ARHGAP22: variants seen among roughly 807,000 people sequenced by gnomAD.
The protein encoded by ARHGAP22 is Rho GTPase activating protein 22.
ARHGAP22 carries 48 observed loss-of-function variants against 59.1 expected under a neutral mutation model. The ratio of observed to expected loss-of-function variants is 0.81; its 90% CI spans 0.64 to 1.03. The LOEUF (loss-of-function observed/expected upper bound fraction) is 1.03, where lower values mean the gene tolerates loss of function less well. ARHGAP22 is among the 50% of genes least tolerant of loss of function. The pLI, the probability that ARHGAP22 is intolerant of heterozygous loss-of-function variation, is 0.00. For missense variants in ARHGAP22, 1,015 were observed against 958.7 expected, an observed-to-expected ratio of 1.06 and a Z score of -0.78; for synonymous variants, 445 against 416.4, an observed-to-expected ratio of 1.07 and a Z score of -0.84.
intron 2 of ARHGAP22, among the ~76,000 whole-genome samples, chr10:48,577,311 C>CT (rs2058779673): frequency 6.6e-6 from 1 of 152,292 alleles, no homozygotes; most frequent in African/African-American, 2.4e-5. Context: ...CTGCAACTTG[C>CT]TTTTTGTTTT....
chr10:48,444,075 C>T (rs576525433), downstream of ARHGAP22: 3 of 152,320 alleles, frequency 2.0e-5, no homozygotes, highest in South Asian at 6.2e-4. Flanking sequence ...TTGCATGTTT[C>T]ACTCATCCAT....
At chr10:48,581,484 C>T (rs2059119081) in intron 2 of ARHGAP22, among the ~76,000 whole-genome samples, 2 of 152,222 alleles carry the variant, frequency 1.3e-5, no homozygotes, top group Admixed American at 1.3e-4. Context: ...ATCTGGCTCA[C>T]TTAACTACTT....
intron 4 of ARHGAP22, among the ~76,000 whole-genome samples, chr10:48,463,259 G>A (rs561500945): frequency 6.6e-6 from 1 of 152,290 alleles, no homozygotes; most frequent in African/African-American, 2.4e-5. Flanking sequence ...CTCCTCTCAT[G>A]TGGTCTTGAC....
At chr10:48,515,744 G>C (rs1007016934) in intron 3 of ARHGAP22, among the ~76,000 whole-genome samples, 1 of 152,126 alleles carries the variant, frequency 6.6e-6, no homozygotes, top group Non-Finnish European at 1.5e-5. Context: ...GACTACCAAG[G>C]AATGAAATTA....
chr10:48,533,948 GCTGT>G (rs1390145494), intron 3 of ARHGAP22, among the ~76,000 whole-genome samples: 1 of 152,268 alleles, frequency 6.6e-6, no homozygotes, highest in Non-Finnish European at 1.5e-5. Context: ...AGCTGTGAAA[GCTGT>G]CTGGGCAGTT....
At chr10:48,517,144 T>C (rs1249642309) in intron 3 of ARHGAP22, among the ~76,000 whole-genome samples, 1 of 152,174 alleles carries the variant, frequency 6.6e-6, no homozygotes, top group African/African-American at 2.4e-5. Flanking sequence ...GTGATGACAA[T>C]GTTCTAAAAT....
chr10:48,557,509 C>A (rs2057382896), intron 2 of ARHGAP22, among the ~76,000 whole-genome samples: 1 of 152,216 alleles, frequency 6.6e-6, no homozygotes, highest in Admixed American at 6.5e-5. Context: ...CCTGTCTTCC[C>A]AGACAAGCAG....
At chr10:48,472,009 C>G (rs2048275734) in intron 4 of ARHGAP22, among the ~76,000 whole-genome samples, 1 of 151,142 alleles carries the variant, frequency 6.6e-6, no homozygotes, top group Non-Finnish European at 1.5e-5. Context: ...GAGTTGGAGA[C>G]CAGCCTGGCC....
chr10:48,539,510 C>G (rs2055722326), intron 3 of ARHGAP22, among the ~76,000 whole-genome samples: 1 of 151,674 alleles, frequency 6.6e-6, no homozygotes, highest in African/African-American at 2.4e-5. Context: ...CCGGGATGGT[C>G]TCGATCTCCT....
At chr10:48,637,129 C>T (rs1028088143) in intron 1 of ARHGAP22, among the ~76,000 whole-genome samples, 1 of 152,172 alleles carries the variant, frequency 6.6e-6, no homozygotes, top group Non-Finnish European at 1.5e-5. Flanking sequence ...GCCAACCAGG[C>T]CTCTAGATGA....
At chr10:48,646,494 T>C (rs2062303780) in intron 1 of ARHGAP22, among the ~76,000 whole-genome samples, 1 of 152,226 alleles carries the variant, frequency 6.6e-6, no homozygotes, top group African/African-American at 2.4e-5. Flanking sequence ...TACAGGTCAA[T>C]AGAATATAAT....
chr10:48,580,365 G>A (rs1019244781), intron 2 of ARHGAP22, among the ~76,000 whole-genome samples: 2 of 152,186 alleles, frequency 1.3e-5, no homozygotes, highest in Admixed American at 6.5e-5. Flanking sequence ...GCTAGCTGAT[G>A]GGTGAGGGCT....
At chr10:48,595,123 T>G (rs573469021) in intron 1 of ARHGAP22, among the ~76,000 whole-genome samples, 1 of 152,348 alleles carries the variant, frequency 6.6e-6, no homozygotes, top group South Asian at 2.1e-4. Flanking sequence ...CAGGGATGTT[T>G]CCTATCTGCA....
At chr10:48,528,144 G>C (rs890111837) in intron 3 of ARHGAP22, among the ~76,000 whole-genome samples, 1 of 152,162 alleles carries the variant, frequency 6.6e-6, no homozygotes. Context: ...TGTGCAGCCT[G>C]AGCCCCTGGT....
chr10:48,588,450 C>T (rs4838628), intron 1 of ARHGAP22, among the ~76,000 whole-genome samples: 11,396 of 152,262 alleles, frequency 0.075, 462 homozygotes, highest in Middle Eastern at 0.11. Context: ...ACTGCTGTTC[C>T]GGTCTTCAGC....
At chr10:48,578,526 G>C (rs1399733908) in intron 2 of ARHGAP22, among the ~76,000 whole-genome samples, 1 of 7,462 alleles carries the variant, frequency 1.3e-4, no homozygotes, top group African/African-American at 4.2e-4. Context: ...TGCAGTGTAT[G>C]TGTGTGTGTG....
chr10:48,648,544 C>A (rs1275457558), intron 1 of ARHGAP22, among the ~76,000 whole-genome samples: 1 of 152,206 alleles, frequency 6.6e-6, no homozygotes, highest in Non-Finnish European at 1.5e-5. Flanking sequence ...AGGGCAGGAT[C>A]CACCCCTCAA....
chr10:48,591,973 G>A (rs768084119), intron 1 of ARHGAP22, among the ~76,000 whole-genome samples: 2 of 152,200 alleles, frequency 1.3e-5, no homozygotes, highest in African/African-American at 2.4e-5. Context: ...AACTACAAAT[G>A]CATGGGTAGT....
intron 8 of ARHGAP22, chr10:48,451,720 C>A (rs186019715): frequency 1.6e-6 from 1 of 615,694 alleles, no homozygotes; most frequent in South Asian, 1.9e-5. Context: ...AAGTCCCACA[C>A]ACACACACAA....
Sources: gnomAD v4.1 joint callset for allele counts (sites outside exome capture counted in the v4.1 genomes callset) on GRCh38, gnomAD v4.1.1 for gene constraint, MANE v1.5 for transcripts, NCBI Gene and HGNC (gene_info 2026-07-23, HGNC 2026-07-21) for gene names.